TAF5L: variants seen among roughly 807,000 people sequenced by gnomAD.
The protein encoded by TAF5L is TATA-box binding protein associated factor 5 like, also known as TAF5-like RNA polymerase II p300/CBP-associated factor-associated factor 65 kDa subunit 5L.
Under a neutral mutation model 51.3 loss-of-function variants are expected in TAF5L, and 7 were observed. That is an observed-to-expected ratio of 0.14 (90% confidence interval 0.08 to 0.26). The LOEUF is 0.26. Ranked by LOEUF, TAF5L falls within the 10% of genes least tolerant of loss-of-function variation. The probability of loss-of-function intolerance (pLI) is 1.00; values close to 1 mark genes in which losing one functional copy is unlikely to be tolerated. For missense variants in TAF5L, 575 were observed against 758.9 expected, an observed-to-expected ratio of 0.76 and a Z score of 2.85; for synonymous variants, 291 against 308.1, an observed-to-expected ratio of 0.94 and a Z score of 0.58.
intron 4 of TAF5L, among the ~76,000 whole-genome samples, chr1:229,598,673 G>A (rs930088346): frequency 1.3e-5 from 2 of 150,910 alleles, no homozygotes; most frequent in African/African-American, 2.4e-5. Flanking sequence ...ATCAACAGGG[G>A]TAAGGGTTGG....
rs976407863 is a variant in TAF5L, at chr1:229,602,740, T to C, written c.427A>G (p.Thr143Ala). 2 of 1,613,956 alleles carry C rather than the reference T, an allele frequency of 1.2e-6. No homozygotes were observed. The highest frequency in any genetic ancestry group is 1.7e-6 in the Non-Finnish European group (2 of 1,180,018). The stretch of plus-strand genomic sequence containing the variant: ...GATAGGATGTCCTGGATGGTTTGAG[T>C]GGTCTGTAGCTGCTCAATGACATCC... The change falls in exon 4 of 5, where the codon ACT becomes GCT. Residue 143 changes from threonine to alanine, a missense_variant. Around this residue, in one of 3 missense-constraint regions of TAF5L, gnomAD observed 380 missense variants for 443.7 expected, o/e 0.86. Coordinates refer to ENST00000258281, the Ensembl canonical transcript of TAF5L. The surrounding 1 kb of genome is among the most constrained non-coding windows in gnomAD (Gnocchi z 4.6).
intron 4 of TAF5L, chr1:229,600,088 CTGTTT>C: frequency 1.0e-6 from 1 of 979,200 alleles, no homozygotes; most frequent in African/African-American, 1.7e-5. Flanking sequence ...AAATAATAGT[CTGTTT>C]TAATTATGCA....
chr1:229,600,936 A>T (rs780794901), intron 4 of TAF5L: 62 of 985,340 alleles, frequency 6.3e-5, no homozygotes, highest in Non-Finnish European at 7.2e-5. Context: ...ATTTACAGAA[A>T]ATCGAAAGCA....
intron 4 of TAF5L, chr1:229,601,981 T>C: frequency 7.2e-7 from 1 of 1,384,774 alleles, no homozygotes; most frequent in African/African-American, 1.5e-5. Context: ...TGACCATTCA[T>C]TAATAAGAAG....
At chr1:229,598,688 CTCTTTTT>C (rs1664226259) in intron 4 of TAF5L, among the ~76,000 whole-genome samples, 1 of 128,422 alleles carries the variant, frequency 7.8e-6, no homozygotes, top group South Asian at 2.8e-4. Flanking sequence ...GGTTGGATAT[CTCTTTTT>C]TTTTTTTTTT....
intron 1 of TAF5L, among the ~76,000 whole-genome samples, chr1:229,616,565 C>A (rs923224945): frequency 1.3e-5 from 2 of 152,096 alleles, no homozygotes; most frequent in African/African-American, 4.8e-5. Context: ...TCTGCAGTTT[C>A]TTTTAGTGTA....
intron 3 of TAF5L, among the ~76,000 whole-genome samples, chr1:229,603,529 T>C (rs979415046): frequency 6.6e-6 from 1 of 152,228 alleles, no homozygotes; most frequent in African/African-American, 2.4e-5. Context: ...TGTCTGGTTA[T>C]ACAGGCTGGC....
In TAF5L at chr1:229,602,463, T is replaced by C. The variant is rs1664415605; in HGVS notation, c.704A>G (p.Asn235Ser). ...CTGTAAGACCTCTAGGGCAGCCTCG[T>C]TCTGCAGAATAGGGCTGGGCATGTC... is the stretch of plus-strand genomic sequence containing the variant. Residue 235 changes from asparagine to serine, a missense_variant, in exon 4 of 5, where the codon AAC (asparagine) becomes AGC (serine). Coordinates refer to ENST00000258281, the Ensembl canonical transcript of TAF5L. The surrounding 1 kb of genome is among the most constrained non-coding windows in gnomAD (Gnocchi z 4.6). 2 of 1,614,128 alleles carry C rather than the reference T, an allele frequency of 1.2e-6. No homozygotes were observed. Among genetic ancestry groups the C allele is most frequent in the Non-Finnish European group, 1.7e-6 (2 of 1,179,992 alleles).
intron 1 of TAF5L, among the ~76,000 whole-genome samples, chr1:229,615,319 C>T (rs1000313113): frequency 6.6e-6 from 1 of 152,160 alleles, no homozygotes; most frequent in Non-Finnish European, 1.5e-5. Context: ...AATCTCCTGA[C>T]ATTGTGATCT....
rs754153847 is a variant in TAF5L, at chr1:229,602,538, T to C, written c.629A>G (p.Tyr210Cys). ...ACTGCGGGAGGAGCTGCCACTGGCA[T>C]ACAGCTGATAGTCTGTTCTCTTGGC... The change falls in exon 4 of 5, where the codon TAT becomes TGT. Residue 210 changes from tyrosine (Y) to cysteine (C), a missense_variant. Physicochemically the swap from Tyr to Cys is radical, Grantham distance 194. Coordinates refer to ENST00000258281, the Ensembl canonical transcript of TAF5L. This position sits in a 1 kb window ranked among gnomAD's most constrained non-coding sequence, Gnocchi z 4.6. The C allele has an allele frequency of 2.7e-5, 43 of 1,614,100 alleles. No individual in the cohort carries two copies. Among genetic ancestry groups the C allele is most frequent in the Non-Finnish European group, 3.6e-5 (42 of 1,180,044 alleles).
Position 229,594,450 on chromosome 1 carries a change from G to T in TAF5L, c.1617C>A (p.Ile539=), listed in dbSNP as rs1250811706. The T allele has an allele frequency of 1.4e-5, 23 of 1,614,078 alleles. No individual in the cohort carries two copies. In the Admixed American group the frequency reaches 3.8e-4, roughly 27 times the overall value. Residue 539 remains isoleucine (I), a synonymous_variant, in exon 5 of 5, where the codon ATC becomes ATA. Coordinates refer to ENST00000258281, the Ensembl canonical transcript of TAF5L. The surrounding 1 kb of genome is among the most constrained non-coding windows in gnomAD (Gnocchi z 7.9). ...CAGGTGCACTGCAGTAAGTGTTCCT[G>T]ATGTCCCAGACGCGCACCGAGTTGT...
At chr1:229,597,555 G>A (rs1664171950) in intron 4 of TAF5L, among the ~76,000 whole-genome samples, 1 of 152,192 alleles carries the variant, frequency 6.6e-6, no homozygotes, top group Non-Finnish European at 1.5e-5. Context: ...ACGGGCCTCA[G>A]CACGGTCGAG....
intron 2 of TAF5L, chr1:229,614,081 A>G: frequency 1.6e-6 from 1 of 630,902 alleles, no homozygotes; most frequent in Non-Finnish European, 2.8e-6. Context: ...CAGATAAAGT[A>G]ACTGAGAAGT....
At chr1:229,620,471 C>G (rs1403493170) in intron 1 of TAF5L, among the ~76,000 whole-genome samples, 1 of 152,196 alleles carries the variant, frequency 6.6e-6, no homozygotes, top group Non-Finnish European at 1.5e-5. Flanking sequence ...GATGTTACAA[C>G]CAAGCCTAAA....
At chr1:229,622,309 G>A (rs1665240620) in intron 1 of TAF5L, among the ~76,000 whole-genome samples, 1 of 152,082 alleles carries the variant, frequency 6.6e-6, no homozygotes, top group Non-Finnish European at 1.5e-5. Context: ...TTCCCAAACA[G>A]CACCTTGTTG....
At chr1:229,616,562 T>C (rs1196161519) in intron 1 of TAF5L, among the ~76,000 whole-genome samples, 1 of 152,184 alleles carries the variant, frequency 6.6e-6, no homozygotes, top group Non-Finnish European at 1.5e-5. Context: ...CCATCTGCAG[T>C]TTCTTTTAGT....
At chr1:229,616,356 GT>G (rs1319647604) in intron 1 of TAF5L, among the ~76,000 whole-genome samples, 2 of 122,496 alleles carry the variant, frequency 1.6e-5, no homozygotes. Flanking sequence ...TTTTCCGGAA[GT>G]CTATTTATTT....
At chr1:229,610,704 T>A (rs1016419559) in intron 2 of TAF5L, among the ~76,000 whole-genome samples, 2 of 152,046 alleles carry the variant, frequency 1.3e-5, no homozygotes, top group Non-Finnish European at 2.9e-5. Flanking sequence ...GAACCAATCC[T>A]TTAATTTTTT....
intron 1 of TAF5L, among the ~76,000 whole-genome samples, chr1:229,618,715 A>G (rs201449238): frequency 1.3e-5 from 2 of 152,190 alleles, no homozygotes; most frequent in East Asian, 3.9e-4. Context: ...AGTCTGGTCA[A>G]TCCCTTCAGT....
Sources: gnomAD v4.1 joint callset for allele counts (sites outside exome capture counted in the v4.1 genomes callset) on GRCh38, gnomAD v4.1.1 for gene constraint, gnomAD v4.1.1 regional missense constraint, Gnocchi (gnomAD v3.1) non-coding constraint, MANE v1.5 for transcripts, NCBI Gene and HGNC (gene_info 2026-07-23, HGNC 2026-07-21) for gene names.